DYSF: variants seen among roughly 807,000 people sequenced by gnomAD.
The protein encoded by DYSF is dystrophy-associated fer-1-like 1.
DYSF carries 212 observed loss-of-function variants against 274.9 expected under a neutral mutation model. The observed-to-expected ratio is 0.77, with a 90% CI of 0.69 to 0.86. The LOEUF (loss-of-function observed/expected upper bound fraction) is 0.86. Among genes scored for constraint, DYSF ranks in the 40% least tolerant of loss-of-function variants. The probability of loss-of-function intolerance (pLI) is 0.00; values close to 1 mark genes in which losing one functional copy is unlikely to be tolerated. For synonymous variants in DYSF, 1,091 were observed against 1,078.7 expected (o/e 1.01, Z -0.22); for missense variants, 2,666 against 2,783.2 (o/e 0.96, Z 0.95).
intron 36 of DYSF, chr2:71,611,000 G>A (rs138444225): frequency 1.6e-4 from 91 of 557,400 alleles, no homozygotes; most frequent in African/African-American, 1.6e-3. Flanking sequence ...ACGGGATTCA[G>A]TTGGAACAAG....
chr2:71,631,476 C>A (rs771991240), intron 41 of DYSF, among the ~76,000 whole-genome samples: 14 of 152,314 alleles, frequency 9.2e-5, no homozygotes, highest in South Asian at 6.2e-4. Context: ...GGCCTCCCCC[C>A]ACTCCTATTA....
chr2:71,650,388 G>A (rs577590070), intron 42 of DYSF, among the ~76,000 whole-genome samples: 41 of 152,266 alleles, frequency 2.7e-4, no homozygotes, highest in South Asian at 8.3e-4. Flanking sequence ...GGCTGAGACA[G>A]GAGAATCGCT....
At chr2:71,539,117 C>A (rs1457170109) in intron 16 of DYSF, 40 bp from the exon 17 acceptor site, 1 of 1,584,950 alleles carries the variant, frequency 6.3e-7, no homozygotes, top group Non-Finnish European at 8.7e-7. Context: ...GCCTGCAGTT[C>A]CTTTCCTGTG....
intron 17 of DYSF, among the ~76,000 whole-genome samples, chr2:71,549,020 T>C (rs2152783171): frequency 6.6e-6 from 1 of 152,302 alleles, no homozygotes; most frequent in East Asian, 1.9e-4. Context: ...CACATTTTCT[T>C]TTCTGAATTA....
chr2:71,482,654 G>A (rs1265607313), intron 3 of DYSF, among the ~76,000 whole-genome samples: 3 of 152,072 alleles, frequency 2.0e-5, no homozygotes, highest in Non-Finnish European at 4.4e-5. Context: ...TGGTGGGGTG[G>A]ACAAGTTCAA....
chr2:71,668,937 G>T (rs1485092046), intron 49 of DYSF, 95 bp downstream of exon 49: 2 of 1,413,280 alleles, frequency 1.4e-6, no homozygotes, highest in Non-Finnish European at 2.0e-6. Flanking sequence ...TTTTCTGCCG[G>T]GCTTCAGGCT....
At chr2:71,470,721 T>C (rs1231309919) in intron 1 of DYSF, among the ~76,000 whole-genome samples, 2 of 135,832 alleles carry the variant, frequency 1.5e-5, no homozygotes, top group East Asian at 4.4e-4. Context: ...CTCTTCCTTC[T>C]TTCCTTCCTT....
chr2:71,566,416 T>G (rs1299365184), intron 24 of DYSF, among the ~76,000 whole-genome samples: 1 of 151,352 alleles, frequency 6.6e-6, no homozygotes, highest in Non-Finnish European at 1.5e-5. Flanking sequence ...CCACTGAGTT[T>G]ATGAGCCCCG....
chr2:71,620,728 C>A, intron 41 of DYSF, 119 bp downstream of exon 41: 2 of 1,108,450 alleles, frequency 1.8e-6, no homozygotes, highest in Non-Finnish European at 2.6e-6. Flanking sequence ...ATTTCCTGAG[C>A]CCTAGCAGGG....
intron 1 of DYSF, among the ~76,000 whole-genome samples, chr2:71,469,321 G>A (rs1045969900): frequency 1.3e-5 from 2 of 152,188 alleles, no homozygotes; most frequent in African/African-American, 4.8e-5. Context: ...TCAACATTGT[G>A]TGTGGGAGCT....
In DYSF at chr2:71,681,233, C is replaced by T. The variant is rs1371588487; in HGVS notation, c.6173+123C>T. 41 of 862,134 alleles carry T rather than the reference C, an allele frequency of 4.8e-5. No individual in the cohort carries two copies. In the East Asian group the frequency reaches 9.5e-4, roughly 20 times the overall value. The allele number at this position is 862,134 out of a possible 1,614,324, so 53.4% of individuals were successfully genotyped here. A position where few individuals can be genotyped will look rare whatever the true frequency, so the allele number is the denominator to read the frequency against. On this transcript the variant is annotated intron_variant, in intron 54 of 55. Transcript: ENST00000410020. ...AGCCCACGTGGCTCAGAGAGGGGCA[C>T]GACTCATCCAAGGCCACACAGTAAG...
chr2:71,576,998 G>C (rs1004304602), intron 30 of DYSF: 3 of 152,314 alleles, frequency 2.0e-5, no homozygotes, highest in African/African-American at 7.2e-5. Context: ...ATACATGGAA[G>C]AGACCAAAGT....
chr2:71,668,894 C>T, intron 49 of DYSF, 52 bp downstream of exon 49: 1 of 1,573,676 alleles, frequency 6.4e-7, no homozygotes, highest in Non-Finnish European at 8.7e-7. Context: ...GGGGGCGTTG[C>T]AGCCTGCTGT....
chr2:71,673,057 G>A (rs1014707426), intron 51 of DYSF, among the ~76,000 whole-genome samples: 7 of 152,200 alleles, frequency 4.6e-5, no homozygotes, highest in Non-Finnish European at 8.8e-5. Flanking sequence ...AGCAAGGGTG[G>A]GTTTACCAGG....
At chr2:71,613,301 C>A in intron 39 of DYSF, 33 bp from the exon 40 acceptor site, 1 of 1,592,412 alleles carries the variant, frequency 6.3e-7, no homozygotes, top group East Asian at 2.3e-5. Context: ...TGAGAGAGCC[C>A]CTCTCAGGCC....
Position 71,539,189 on chromosome 2 carries a change from C to T in DYSF, c.1526C>T (p.Thr509Ile). ...CTGACTCACAATGACATCGTGGCTACCACCTACCTGAGTATGTCGAAAATC... is the reference window on the plus strand; with the variant it reads ...CTGACTCACAATGACATCGTGGCTATCACCTACCTGAGTATGTCGAAAATC... ...DRLTHNDIVA[T>I]TYLSMSKISA... The change falls in exon 17 of 56, where the codon ACC becomes ATC. Residue 509 changes from threonine to isoleucine, a missense_variant. This residue lies in a region of DYSF where 794 missense variants were observed against 777.1 expected (regional missense o/e 1.02). Coordinates refer to ENST00000410020, the MANE Select transcript of DYSF (RefSeq NM_001130987.2). 1.2e-6 allele frequency: 2 copies of T among 1,614,106 alleles called. No individual in the cohort carries two copies. Among genetic ancestry groups the T allele is most frequent in the Non-Finnish European group, 8.5e-7 (1 of 1,180,024 alleles).
At chr2:71,589,270 C>T (rs1013490929) in intron 30 of DYSF, among the ~76,000 whole-genome samples, 4 of 152,178 alleles carry the variant, frequency 2.6e-5, no homozygotes, top group Admixed American at 2.0e-4. Flanking sequence ...TGGGCAGATC[C>T]CCATTTGATT....
intron 3 of DYSF, among the ~76,000 whole-genome samples, chr2:71,487,707 C>T (rs896376327): frequency 1.3e-5 from 2 of 152,154 alleles, no homozygotes; most frequent in African/African-American, 4.8e-5. Context: ...CAGGGTTTCA[C>T]CCTGTTGGTC....
At chr2:71,601,458 G>A in intron 34 of DYSF, 41 bp from the exon 35 acceptor site, 1 of 1,614,072 alleles carries the variant, frequency 6.2e-7, no homozygotes, top group Non-Finnish European at 8.5e-7. Flanking sequence ...GGGGCCTTAG[G>A]TGACAAGCAC....
Sources: allele counts gnomAD v4.1 joint callset (sites outside exome capture counted in the v4.1 genomes callset), GRCh38; gene constraint gnomAD v4.1.1; regional missense constraint gnomAD v4.1.1; transcripts MANE v1.5; gene names NCBI Gene and HGNC (gene_info 2026-07-23, HGNC 2026-07-21).